The following TCF20 variants were observed in gnomAD, a reference collection of about 807,000 sequenced individuals.
The protein encoded by TCF20 is SPRE-binding protein.
A neutral mutation model predicts 148.6 loss-of-function variants in TCF20; 3 were observed. The ratio of observed to expected loss-of-function variants is 0.02; its 90% CI spans 0.01 to 0.05. The LOEUF is 0.05. TCF20 is among the 10% of genes least tolerant of loss of function. The pLI is 1.00. For missense variants in TCF20, 2,350 were observed against 2,429.3 expected, an observed-to-expected ratio of 0.97 and a Z score of 0.69; for synonymous variants, 1,049 against 909.5, an observed-to-expected ratio of 1.15 and a Z score of -2.76.
chr22:42,228,866 A>T (rs1055739941), intron 1 of TCF20, among the ~76,000 whole-genome samples: 3 of 145,922 alleles, frequency 2.1e-5, no homozygotes, highest in East Asian at 3.9e-4. Flanking sequence ...AACAGCACTT[A>T]AAAAAAAATG....
At chr22:42,329,476 G>A (rs1927932335) in intron 1 of TCF20, among the ~76,000 whole-genome samples, 1 of 152,284 alleles carries the variant, frequency 6.6e-6, no homozygotes, top group African/African-American at 2.4e-5. Flanking sequence ...CAGGCTCAAG[G>A]AGGAGAGAAG....
In TCF20 at chr22:42,308,920, C is replaced by T. The variant is rs143234888; in HGVS notation, c.-37+34559G>A. Among the ~76,000 whole-genome samples, 77 of 152,268 alleles carry T rather than the reference C, an allele frequency of 5.1e-4. 1 individual carries two copies. Among genetic ancestry groups the T allele is most frequent in the African/African-American group, 1.7e-3 (70 of 41,544 alleles). On this transcript the variant is annotated intron_variant, in intron 1 of 1. Coordinates refer to the TCF20 transcript ENST00000515426. ...GTAGGTGGCACCTGCCTTGCTAGACCCAGGCGTGGGTGAAACGGGCTGGGA... is the reference window on the plus strand; with the variant it reads ...GTAGGTGGCACCTGCCTTGCTAGACTCAGGCGTGGGTGAAACGGGCTGGGA...
intron 1 of TCF20, among the ~76,000 whole-genome samples, chr22:42,330,875 G>C (rs1223383635): frequency 2.0e-5 from 3 of 152,214 alleles, no homozygotes; most frequent in Non-Finnish European, 4.4e-5. Context: ...GGCTGCCCGT[G>C]AATGTCCTGA....
intron 1 of TCF20, among the ~76,000 whole-genome samples, chr22:42,337,824 A>G (rs1928092105): frequency 6.6e-6 from 1 of 152,164 alleles, no homozygotes; most frequent in South Asian, 2.1e-4. Flanking sequence ...CTTATCCGCA[A>G]TCCTCCATCC....
chr22:42,290,798 C>T lies in TCF20; in HGVS notation c.-37+52681G>A, dbSNP rs1927119245. Among the ~76,000 whole-genome samples the T allele has an allele frequency of 6.6e-6, 1 of 152,198 alleles. No homozygotes were observed. The highest frequency in any genetic ancestry group is 2.4e-5 in the African/African-American group (1 of 41,464). On this transcript the variant is annotated intron_variant, in intron 1 of 1. Coordinates refer to the TCF20 transcript ENST00000515426. This position sits in a 1 kb window ranked among gnomAD's most constrained non-coding sequence, Gnocchi z 4.2. ...GCAATTCAAGGACGAGGTCAGCCTCCCAGAGCACACAGGGGCCTTGGGGCA... is the reference window on the plus strand; with the variant it reads ...GCAATTCAAGGACGAGGTCAGCCTCTCAGAGCACACAGGGGCCTTGGGGCA...
At chr22:42,265,237 A>T (rs1397666917) in intron 1 of TCF20, among the ~76,000 whole-genome samples, 1 of 152,226 alleles carries the variant, frequency 6.6e-6, no homozygotes, top group African/African-American at 2.4e-5. Context: ...ACCAATAATC[A>T]AAAACTATCC....
chr22:42,193,580 AG>A (rs1937449332), intron 2 of TCF20, among the ~76,000 whole-genome samples: 3 of 152,038 alleles, frequency 2.0e-5, no homozygotes, highest in Non-Finnish European at 4.4e-5. Flanking sequence ...CTCCTACCTC[AG>A]CCTCCTGAAG....
intron 2 of TCF20, among the ~76,000 whole-genome samples, chr22:42,205,694 A>AAG (rs1938339087): frequency 6.6e-6 from 1 of 151,720 alleles, no homozygotes. Flanking sequence ...AGTAGAATAA[A>AAG]AGCTAGGTAA....
chr22:42,238,215 C>T (rs111875216), intron 1 of TCF20, among the ~76,000 whole-genome samples: 14 of 152,332 alleles, frequency 9.2e-5, no homozygotes, highest in African/African-American at 3.1e-4. Flanking sequence ...TTTAATGTTA[C>T]AGAGATGGTT....
At chr22:42,287,144 G>A (rs1235661397), upstream of TCF20, among the ~76,000 whole-genome samples, 1 of 152,128 alleles carries the variant, frequency 6.6e-6, no homozygotes, top group South Asian at 2.1e-4. Context: ...TTTCCAAGGC[G>A]ACAACTCCCA....
In TCF20 at chr22:42,213,866, A is replaced by C. The variant is rs17002894; in HGVS notation, c.1440T>G (p.Thr480=). 5.8e-3 allele frequency: 9,350 copies of C among 1,614,112 alleles called. 448 individuals are homozygous for C. The African/African-American group carries it at 0.1, about 18-fold the overall frequency. The change falls in exon 2 of 6, where the codon ACT becomes ACG. Residue 480 remains threonine, a synonymous_variant. Coordinates refer to ENST00000677622, the MANE Select transcript of TCF20 (RefSeq NM_001378418.1). ...VQHMLLSDAL[T]PQKKTSKRPS... ...GCCTCTTGGAGGTCTTCTTCTGAGG[A>C]GTCAGGGCATCAGAAAGTAACATGT...
chr22:42,273,281 AC>A (rs1479035314), upstream of TCF20, among the ~76,000 whole-genome samples: 5 of 144,430 alleles, frequency 3.5e-5, no homozygotes, highest in Non-Finnish European at 7.5e-5. Context: ...AATCGCCTGA[AC>A]CCTGGAGGCA....
chr22:42,204,260 CGAG>C (rs1938236672), intron 2 of TCF20, among the ~76,000 whole-genome samples: 1 of 151,900 alleles, frequency 6.6e-6, no homozygotes, highest in African/African-American at 2.4e-5. Context: ...TTTGGGAGGC[CGAG>C]GAGGGTGGAT....
chr22:42,163,440 T>C (rs915347349), intron 5 of TCF20, among the ~76,000 whole-genome samples: 2 of 152,222 alleles, frequency 1.3e-5, no homozygotes, highest in Non-Finnish European at 2.9e-5. Flanking sequence ...AAGAGTTACT[T>C]TAAAAAAGTT....
At chr22:42,237,532 A>G (rs974484755) in intron 1 of TCF20, among the ~76,000 whole-genome samples, 1 of 152,220 alleles carries the variant, frequency 6.6e-6, no homozygotes, top group Non-Finnish European at 1.5e-5. Context: ...CATGAATCAC[A>G]AATGTTCTTA....
At chr22:42,327,079 G>A (rs1310581600) in intron 1 of TCF20, among the ~76,000 whole-genome samples, 5 of 152,184 alleles carry the variant, frequency 3.3e-5, no homozygotes, top group Admixed American at 1.3e-4. Flanking sequence ...TCTAACCCTC[G>A]CGGCAACGAT....
chr22:42,333,646 C>T (rs531420237), intron 1 of TCF20, among the ~76,000 whole-genome samples: 3 of 152,352 alleles, frequency 2.0e-5, no homozygotes, highest in South Asian at 4.1e-4. Flanking sequence ...GCTTGCCCCT[C>T]GCCACAAAGT....
At chr22:42,246,973 TA>T (rs745840080) in intron 1 of TCF20, among the ~76,000 whole-genome samples, 1,733 of 59,780 alleles carry the variant, frequency 0.029, 8 homozygotes, top group Middle Eastern at 0.065. Flanking sequence ...CTCAAAAAAT[TA>T]AAAAAAAAAA....
At chr22:42,196,019 T>C (rs545190980) in intron 2 of TCF20, among the ~76,000 whole-genome samples, 2 of 152,300 alleles carry the variant, frequency 1.3e-5, no homozygotes, top group African/African-American at 4.8e-5. Context: ...GATAAGCTGG[T>C]AGTCACCCCA....
Sources: gnomAD v4.1 joint callset for allele counts (sites outside exome capture counted in the v4.1 genomes callset) on GRCh38, gnomAD v4.1.1 for gene constraint, Gnocchi (gnomAD v3.1) non-coding constraint, MANE v1.5 for transcripts, NCBI Gene and HGNC (gene_info 2026-07-23, HGNC 2026-07-21) for gene names.